Variants in KLHL5 observed in about 807,000 individuals in gnomAD.
KLHL5 encodes the protein kelch-like protein 5.
In KLHL5, 48 loss-of-function variants were observed where a neutral mutation model predicts 77.7. The observed-to-expected ratio is 0.62, with a 90% confidence interval of 0.49 to 0.79. KLHL5 has a LOEUF of 0.79. Among genes scored for constraint, KLHL5 ranks in the 30% least tolerant of loss-of-function variants. The pLI is 0.00. For synonymous variants in KLHL5, 260 were observed against 297.0 expected (o/e 0.88, Z 1.28); for missense variants, 723 against 859.7 (o/e 0.84, Z 1.99).
chr4:39,107,854 T>C, intron 8 of KLHL5, 123 bp downstream of exon 8: 1 of 646,964 alleles, frequency 1.5e-6, no homozygotes, highest in Non-Finnish European at 2.5e-6. Context: ...TAAAACAATG[T>C]CTCTTTCTAT....
intron 1 of KLHL5, among the ~76,000 whole-genome samples, chr4:39,051,358 G>C (rs1716628008): frequency 9.0e-6 from 1 of 110,928 alleles, no homozygotes; most frequent in Non-Finnish European, 1.9e-5. Flanking sequence ...GTTACCTGAA[G>C]AGGATTTCCC....
intron 6 of KLHL5, among the ~76,000 whole-genome samples, chr4:39,097,630 A>G (rs1172621061): frequency 6.6e-6 from 1 of 152,240 alleles, no homozygotes; most frequent in Non-Finnish European, 1.5e-5. Flanking sequence ...AGTCTACAAA[A>G]TAACTTATCT....
At chr4:39,061,487 A>G (rs770836859), upstream of KLHL5, among the ~76,000 whole-genome samples, 2 of 152,224 alleles carry the variant, frequency 1.3e-5, no homozygotes, top group African/African-American at 2.4e-5. Flanking sequence ...TTTGGGGGTT[A>G]GGAACCAAGA....
At chr4:39,101,873 T>TAC (rs1560433070) in intron 6 of KLHL5, among the ~76,000 whole-genome samples, 1 of 135,252 alleles carries the variant, frequency 7.4e-6, no homozygotes, top group African/African-American at 3.0e-5. Context: ...TATATATATA[T>TAC]ATATACACAC....
At chr4:39,044,851 TCGCC>T, upstream of KLHL5, 2 of 697,118 alleles carry the variant, frequency 2.9e-6, no homozygotes, top group Non-Finnish European at 3.5e-6. Flanking sequence ...CCCCACCTAC[TCGCC>T]CGCCCCCTCC....
chr4:39,077,537 T>C (rs1719176784), intron 2 of KLHL5, among the ~76,000 whole-genome samples: 1 of 151,900 alleles, frequency 6.6e-6, no homozygotes, highest in East Asian at 1.9e-4. Flanking sequence ...CAATACCACC[T>C]TACTCTTGCA....
intron 2 of KLHL5, among the ~76,000 whole-genome samples, chr4:39,079,162 C>T (rs1016731029): frequency 3.3e-5 from 5 of 152,224 alleles, no homozygotes; most frequent in Admixed American, 1.3e-4. Context: ...GAGCCATCAA[C>T]ATCTCACTTA....
intron 5 of KLHL5, among the ~76,000 whole-genome samples, chr4:39,095,530 A>T (rs915651852): frequency 2.0e-5 from 3 of 152,060 alleles, no homozygotes; most frequent in African/African-American, 7.2e-5. Flanking sequence ...CTATAAAGGT[A>T]AAAATTAATA....
At chr4:39,070,639 G>GC (rs1352252574) in intron 1 of KLHL5, among the ~76,000 whole-genome samples, 7 of 152,008 alleles carry the variant, frequency 4.6e-5, no homozygotes, top group Non-Finnish European at 1.0e-4. Context: ...ATGTCCATTT[G>GC]CCCTTCCCCT....
At chr4:39,090,478 T>A (rs867967521) in intron 5 of KLHL5, among the ~76,000 whole-genome samples, 1 of 151,768 alleles carries the variant, frequency 6.6e-6, no homozygotes. Context: ...GACTGAGTTT[T>A]GCTCTTTTTG....
At chr4:39,106,186 C>T (rs11096977) in intron 7 of KLHL5, among the ~76,000 whole-genome samples, 76,830 of 151,950 alleles carry the variant, frequency 0.51, 19,624 homozygotes, top group Admixed American at 0.58. Flanking sequence ...AGACTGGCCA[C>T]CTTGTTGTCC....
chr4:39,085,543 A>G (rs1719964761), intron 4 of KLHL5, among the ~76,000 whole-genome samples: 1 of 152,204 alleles, frequency 6.6e-6, no homozygotes, highest in Non-Finnish European at 1.5e-5. Flanking sequence ...TAGTATTTGC[A>G]TTTATAACCG....
intron 4 of KLHL5, among the ~76,000 whole-genome samples, chr4:39,085,773 C>CT (rs1431112541): frequency 6.6e-6 from 1 of 152,030 alleles, no homozygotes; most frequent in South Asian, 2.1e-4. Context: ...TAGGTCACTA[C>CT]TTTTTTTTCC....
chr4:39,069,342 A>G (rs1383917201), intron 1 of KLHL5, among the ~76,000 whole-genome samples: 2 of 151,536 alleles, frequency 1.3e-5, no homozygotes, highest in Admixed American at 6.6e-5. Flanking sequence ...GTTATAATCA[A>G]CAGAGTGCAG....
chr4:39,102,612 G>A (rs1197440576), intron 6 of KLHL5, among the ~76,000 whole-genome samples: 3 of 151,920 alleles, frequency 2.0e-5, no homozygotes, highest in Non-Finnish European at 4.4e-5. Flanking sequence ...CATTATGTTC[G>A]TTATGATCCC....
At chr4:39,102,855 TCCCC>T (rs1415438800) in intron 6 of KLHL5, among the ~76,000 whole-genome samples, 1 of 152,182 alleles carries the variant, frequency 6.6e-6, no homozygotes, top group African/African-American at 2.4e-5. Context: ...ATAAGGAACC[TCCCC>T]CTGAAGTCAT....
chr4:39,069,534 CCA>C (rs1491146949), intron 1 of KLHL5, among the ~76,000 whole-genome samples: 2 of 67,542 alleles, frequency 3.0e-5, no homozygotes, highest in South Asian at 5.8e-4. Context: ...TACTTTTTTA[CCA>C]TATATATATA....
the KLHL5 span, among the ~76,000 whole-genome samples, chr4:39,140,456 T>C: frequency 6.6e-6 from 1 of 152,242 alleles, no homozygotes; most frequent in Non-Finnish European, 1.5e-5. Context: ...TGGACCCGCA[T>C]GCTGGCAACT....
At chr4:39,073,539 AT>A (rs1241736419) in intron 1 of KLHL5, among the ~76,000 whole-genome samples, 3 of 64,248 alleles carry the variant, frequency 4.7e-5, no homozygotes, top group African/African-American at 1.7e-4. Context: ...AGATATTATA[AT>A]TTTTCCCCTC....
Sources: gnomAD v4.1 joint callset for allele counts (sites outside exome capture counted in the v4.1 genomes callset) on GRCh38, gnomAD v4.1.1 for gene constraint, MANE v1.5 for transcripts, NCBI Gene and HGNC (gene_info 2026-07-23, HGNC 2026-07-21) for gene names.